ELP3: variants seen among roughly 807,000 people sequenced by gnomAD.
ELP3 encodes the protein elongator acetyltransferase complex subunit 3, also known as elongator complex protein 3.
A neutral mutation model predicts 74.9 loss-of-function variants in ELP3; 56 were observed. That is an observed-to-expected ratio of 0.75 (90% CI 0.60 to 0.93). The LOEUF (loss-of-function observed/expected upper bound fraction) is 0.93, where lower values mean the gene tolerates loss of function less well. Among genes scored for constraint, ELP3 ranks in the 40% least tolerant of loss-of-function variants. ELP3 has a pLI of 0.00. For missense variants in ELP3, 573 were observed against 686.5 expected (o/e 0.83, Z 1.85); for synonymous variants, 222 against 239.8 (o/e 0.93, Z 0.68).
chr8:28,188,113 C>G (rs1184186661), intron 14 of ELP3, among the ~76,000 whole-genome samples: 1 of 152,130 alleles, frequency 6.6e-6, no homozygotes, highest in African/African-American at 2.4e-5. Context: ...GAGGGAGTGC[C>G]TGTGGCAGGT....
At chr8:28,188,582 C>G (rs1815332842) in intron 14 of ELP3, among the ~76,000 whole-genome samples, 1 of 152,214 alleles carries the variant, frequency 6.6e-6, no homozygotes, top group South Asian at 2.1e-4. Context: ...TTCATTTTGG[C>G]AAACACATCC....
upstream of ELP3, among the ~76,000 whole-genome samples, chr8:28,092,262 G>A (rs151217083): frequency 1.3e-5 from 2 of 152,216 alleles, no homozygotes; most frequent in Non-Finnish European, 2.9e-5. Flanking sequence ...ACAGGGTCTC[G>A]CTCTGTCGTC....
chr8:28,161,066 G>C (rs1029855262), intron 13 of ELP3, among the ~76,000 whole-genome samples: 1 of 152,152 alleles, frequency 6.6e-6, no homozygotes, highest in Non-Finnish European at 1.5e-5. Flanking sequence ...TTATTGTGGA[G>C]TCAGGTTAGA....
chr8:28,169,491 A>G (rs996756539), intron 14 of ELP3, among the ~76,000 whole-genome samples: 5 of 152,094 alleles, frequency 3.3e-5, no homozygotes, highest in Admixed American at 2.0e-4. Context: ...GGCTGTCCAT[A>G]TGAGCAGCTT....
At position 28,136,637 on chromosome 8, in the gene ELP3, A is replaced by G. The variant is rs536563350; in HGVS notation, c.907-1061A>G. 5.3e-5 allele frequency among the ~76,000 whole-genome samples: 8 copies of G among 152,352 alleles called. No individual in the cohort carries two copies. The South Asian group carries it at 1.7e-3, about 32-fold the overall frequency. ...TAAGAACGTGACAGATGTCAATGAG[A>G]GATGGAAAAGTCTATTGTTATATTT... On this transcript the variant is annotated intron_variant, in intron 9 of 14. Coordinates refer to ENST00000256398, the MANE Select transcript of ELP3 (RefSeq NM_018091.6).
At chr8:28,112,305 A>G (rs959804902) in intron 6 of ELP3, among the ~76,000 whole-genome samples, 2 of 151,876 alleles carry the variant, frequency 1.3e-5, no homozygotes, top group African/African-American at 2.4e-5. Flanking sequence ...GCTAATTTTT[A>G]TATTTTTAGT....
intron 14 of ELP3, among the ~76,000 whole-genome samples, chr8:28,177,445 G>C (rs184905693): frequency 3.2e-3 from 491 of 152,302 alleles, no homozygotes; most frequent in Non-Finnish European, 6.1e-3. Context: ...ATATTTCCTT[G>C]TGTTAATGTT....
At chr8:28,105,684 CTGAT>C (rs756520170) in intron 3 of ELP3, among the ~76,000 whole-genome samples, 3 of 152,234 alleles carry the variant, frequency 2.0e-5, no homozygotes, top group Non-Finnish European at 4.4e-5. Context: ...GTTGAACACT[CTGAT>C]TGGCCACAAT....
intron 9 of ELP3, among the ~76,000 whole-genome samples, chr8:28,135,649 G>C (rs1416877578): frequency 6.6e-6 from 1 of 152,124 alleles, no homozygotes; most frequent in Non-Finnish European, 1.5e-5. Flanking sequence ...AAAGGCTAAG[G>C]GTTAACGGAT....
At position 28,097,262 on chromosome 8, in the gene ELP3, T is replaced by C. The variant is rs560647549; in HGVS notation, c.63T>C (p.Asp21=). The C allele has an allele frequency of 6.2e-7, 1 of 1,614,048 alleles. No individual in the cohort carries two copies. Among genetic ancestry groups the C allele is most frequent in the Non-Finnish European group, 8.5e-7 (1 of 1,179,968 alleles). ...AGCTGATGATGCTGACTATAGGAGA[T>C]GTTATTAAACAACTGATTGAAGCCC... ...PAELMMLTIG[D]VIKQLIEAHE... is the part of the protein sequence containing the mutation. Residue 21 remains aspartate (D), a synonymous_variant, in exon 2 of 15, where the codon GAT becomes GAC. Coordinates refer to ENST00000256398, the MANE Select transcript of ELP3 (RefSeq NM_018091.6).
Position 28,093,208 on chromosome 8 carries a change from C to T in ELP3, c.-7C>T, listed in dbSNP as rs755149508. 6.2e-6 allele frequency: 10 copies of T among 1,612,620 alleles called. No individual in the cohort carries two copies. Among genetic ancestry groups the T allele is most frequent in the Non-Finnish European group, 7.6e-6 (9 of 1,179,808 alleles). On this transcript the variant is annotated 5_prime_UTR_variant, in exon 1 of 15. Coordinates refer to ENST00000256398, the MANE Select transcript of ELP3 (RefSeq NM_018091.6). ...ATCTCTGGTGGCTCTGCTACGGCGG[C>T]GCAGAAATGAGGCAGAAGCGGAAAG...
intron 7 of ELP3, among the ~76,000 whole-genome samples, chr8:28,119,606 A>C (rs1406199967): frequency 8.2e-6 from 1 of 122,176 alleles, no homozygotes; most frequent in Non-Finnish European, 1.7e-5. Context: ...ATATATATAT[A>C]TATATATATA....
chr8:28,113,451 T>C (rs1015483117), intron 7 of ELP3, among the ~76,000 whole-genome samples: 5 of 152,282 alleles, frequency 3.3e-5, no homozygotes, highest in African/African-American at 7.2e-5. Flanking sequence ...TCGCCAAATA[T>C]GGTCCATGAA....
intron 11 of ELP3, among the ~76,000 whole-genome samples, chr8:28,156,290 AAC>A (rs1813825647): frequency 6.6e-6 from 1 of 152,194 alleles, no homozygotes; most frequent in Admixed American, 6.5e-5. Flanking sequence ...AGTTTTTAAA[AAC>A]AGTTTTTCTT....
chr8:28,187,008 G>C (rs947011100), intron 14 of ELP3, among the ~76,000 whole-genome samples: 2 of 152,092 alleles, frequency 1.3e-5, no homozygotes, highest in Non-Finnish European at 2.9e-5. Context: ...TCCACATGCA[G>C]CCTGACTGGA....
In ELP3 at chr8:28,158,600, C is replaced by T. The variant is rs1180616739; in HGVS notation, c.1224C>T (p.Ile408=). The T allele has an allele frequency of 6.3e-7, 1 of 1,581,170 alleles. No homozygotes were observed. The highest frequency in any genetic ancestry group is 1.1e-5 in the South Asian group (1 of 90,654). ...CRDVRTREVG[I]QEIHHKVRPY... is the part of the protein sequence containing the mutation. ...ATGTGAGAACCAGAGAAGTTGGAAT[C>T]CAAGAAATTCATCACAAAGTACGGC... The change falls in exon 12 of 15, where the codon ATC becomes ATT. Residue 408 remains isoleucine (I), a synonymous_variant. Transcript: ENST00000256398.
chr8:28,158,561 T>C lies in ELP3; in HGVS notation c.1192-7T>C. 1 of 1,613,180 alleles carries C rather than the reference T, an allele frequency of 6.2e-7. No individual in the cohort carries two copies. Among genetic ancestry groups the C allele is most frequent in the South Asian group, 1.1e-5 (1 of 91,044 alleles). ...CCAACCCCGCTCACGCCATTTTTTT[T>C]TGACAGTGTCGAGATGTGAGAACCA... is the stretch of plus-strand genomic sequence containing the variant. On this transcript the variant is annotated splice_polypyrimidine_tract_variant and splice_region_variant and intron_variant, in intron 11 of 14. Coordinates refer to ENST00000256398, the MANE Select transcript of ELP3 (RefSeq NM_018091.6).
chr8:28,164,407 G>A (rs1170206815), intron 14 of ELP3, among the ~76,000 whole-genome samples: 1 of 152,160 alleles, frequency 6.6e-6, no homozygotes, highest in Non-Finnish European at 1.5e-5. Context: ...CAAATTAACA[G>A]GGAAGAACCT....
At chr8:28,114,855 A>G (rs1585656188) in intron 7 of ELP3, among the ~76,000 whole-genome samples, 3 of 152,322 alleles carry the variant, frequency 2.0e-5, no homozygotes, top group Non-Finnish European at 2.9e-5. Flanking sequence ...AGTTCTGGTT[A>G]ACAGGTAGGG....
Sources: gnomAD v4.1 joint callset for allele counts (sites outside exome capture counted in the v4.1 genomes callset) on GRCh38, gnomAD v4.1.1 for gene constraint, MANE v1.5 for transcripts, NCBI Gene and HGNC (gene_info 2026-07-23, HGNC 2026-07-21) for gene names.